The following MATR3 variants were observed in gnomAD, a reference collection of about 807,000 sequenced individuals.
The protein encoded by MATR3 is matrin-3.
MATR3 carries 4 observed loss-of-function variants against 85.5 expected under a neutral mutation model. The ratio of observed to expected loss-of-function variants is 0.05; its 90% CI spans 0.02 to 0.11. The LOEUF (loss-of-function observed/expected upper bound fraction) is 0.11. MATR3 is among the 10% of genes least tolerant of loss of function. The probability of loss-of-function intolerance (pLI) is 1.00; values close to 1 mark genes in which losing one functional copy is unlikely to be tolerated. For synonymous variants in MATR3, 336 were observed against 343.1 expected, an observed-to-expected ratio of 0.98 and a Z score of 0.23; for missense variants, 685 against 1,016.1, an observed-to-expected ratio of 0.67 and a Z score of 4.43.
chr5:139,307,170 T>G lies in MATR3; in HGVS notation c.-177-69T>G, dbSNP rs929713514. On this transcript the variant is annotated intron_variant, in intron 1 of 14. Transcript: ENST00000394805. The surrounding 1 kb of genome is among the most constrained non-coding windows in gnomAD (Gnocchi z 4.4). ...TTTTTAAATCAACATGATGCATAAG[T>G]TTTTTTTTCTTAAAAAAACGGCATC... The G allele has an allele frequency of 1.8e-5, 20 of 1,121,578 alleles. No individual in the cohort carries two copies. Among genetic ancestry groups the G allele is most frequent in the East Asian group, 4.2e-5 (1 of 23,798 alleles). The allele number at this position is 1,121,578 out of a possible 1,614,324, so 69.5% of individuals were successfully genotyped here.
At position 139,307,149 on chromosome 5, in the gene MATR3, T is replaced by A. The variant is rs1054106099; in HGVS notation, c.-177-90T>A. Reference sequence around the variant, plus strand: ...TTTGAGATCTTAAATGTTTTTTTTTTAAATCAACATGATGCATAAGTTTTT... The same window carrying A: ...TTTGAGATCTTAAATGTTTTTTTTTAAAATCAACATGATGCATAAGTTTTT... On this transcript the variant is annotated intron_variant, in intron 1 of 14. Coordinates refer to ENST00000394805, the MANE Select transcript of MATR3 (RefSeq NM_018834.6). This position sits in a 1 kb window ranked among gnomAD's most constrained non-coding sequence, Gnocchi z 4.4. 20 of 918,250 alleles carry A rather than the reference T, an allele frequency of 2.2e-5. No homozygotes were observed. The highest frequency in any genetic ancestry group is 1.0e-4 in the African/African-American group (6 of 57,288). The allele number at this position is 918,250 out of a possible 1,614,324, so 56.9% of individuals were successfully genotyped here. A position where few individuals can be genotyped will look rare whatever the true frequency, so the allele number is the denominator to read the frequency against.
Position 139,325,604 on chromosome 5 carries a change from C to T in MATR3, c.2313C>T (p.Asp771=), listed in dbSNP as rs1391353693. Residue 771 remains aspartate (D), a synonymous_variant, in exon 13 of 15, where the codon GAC becomes GAT. Transcript: ENST00000394805. ...ATGGTCAAAGTGATGAGAACAAGGA[C>T]GACTATACAATCCCAGATGAGTATA... The part of the protein sequence containing the change: ...NADGQSDENK[D]DYTIPDEYRI... 7.4e-6 allele frequency: 12 copies of T among 1,614,022 alleles called. No individual in the cohort carries two copies. Among genetic ancestry groups the T allele is most frequent in the Admixed American group, 3.3e-5 (2 of 59,986 alleles).
At chr5:139,298,312 C>A (rs1283225942) in intron 1 of MATR3, among the ~76,000 whole-genome samples, 2 of 152,178 alleles carry the variant, frequency 1.3e-5, no homozygotes, top group Admixed American at 1.3e-4. Flanking sequence ...TGATTCACAC[C>A]TGTAATCCCA....
At chr5:139,315,148 ATTTTTT>A in intron 3 of MATR3, 1 of 172,198 alleles carries the variant, frequency 5.8e-6, no homozygotes, top group Non-Finnish European at 1.2e-5. Flanking sequence ...TTGGTGATGA[ATTTTTT>A]TTTTTTTTTT....
chr5:139,303,251 G>A (rs1426530692), intron 1 of MATR3, among the ~76,000 whole-genome samples: 2 of 152,218 alleles, frequency 1.3e-5, no homozygotes, highest in East Asian at 3.9e-4. Flanking sequence ...ACAGGTGCGT[G>A]CCACCATGCC....
chr5:139,305,636 C>T (rs1754670169), intron 1 of MATR3, among the ~76,000 whole-genome samples: 1 of 152,164 alleles, frequency 6.6e-6, no homozygotes, highest in African/African-American at 2.4e-5. Flanking sequence ...AAACTTTCAT[C>T]TGAAGAAGTC....
intron 8 of MATR3, 131 bp downstream of exon 8, chr5:139,319,164 G>A: frequency 3.9e-6 from 5 of 1,269,478 alleles, no homozygotes; most frequent in East Asian, 2.5e-5. Context: ...CACCTTGGGA[G>A]GCCAAGGTCA....
intron 3 of MATR3, chr5:139,282,853 G>T (rs539298784): frequency 1.3e-5 from 2 of 152,152 alleles, no homozygotes; most frequent in African/African-American, 2.4e-5. Flanking sequence ...TTTTTGAGAC[G>T]GAGTCTCTGT....
intron 2 of MATR3, chr5:139,311,750 C>CATT (rs1754987531): frequency 1.5e-5 from 1 of 65,194 alleles, no homozygotes; most frequent in Non-Finnish European, 2.6e-5. Flanking sequence ...TTAATTAATC[C>CATT]TTTTTTTTTT....
chr5:139,299,657 TGAA>T (rs1754339059), intron 1 of MATR3, among the ~76,000 whole-genome samples: 1 of 152,146 alleles, frequency 6.6e-6, no homozygotes, highest in African/African-American at 2.4e-5. Context: ...GACCCTGTCT[TGAA>T]AAAGGAAATC....
intron 1 of MATR3, among the ~76,000 whole-genome samples, chr5:139,298,060 A>G (rs968393033): frequency 2.0e-5 from 3 of 152,194 alleles, no homozygotes; most frequent in African/African-American, 4.8e-5. Context: ...TTTAATTAAT[A>G]TTAGGGAGCA....
rs530091989 is a variant in MATR3 at position 139,321,641 on chromosome 5, G to C, written c.1603-257G>C. Among the ~76,000 whole-genome samples, 10 of 152,190 alleles carry C rather than the reference G, an allele frequency of 6.6e-5. No individual in the cohort carries two copies. The South Asian group carries it at 1.5e-3, about 22-fold the overall frequency. ...CTACAAAAAATACAAAAATTAGCCA[G>C]GCATTGGTGGTGCATGCCTGTAGAC... On this transcript the variant is annotated intron_variant, in intron 9 of 14. Transcript: ENST00000394805.
intron 9 of MATR3, among the ~76,000 whole-genome samples, chr5:139,320,527 A>T (rs959032003): frequency 2.6e-5 from 4 of 152,168 alleles, no homozygotes; most frequent in African/African-American, 9.7e-5. Flanking sequence ...CACTTAACCC[A>T]GGAGTCCAAG....
intron 12 of MATR3, 140 bp from the exon 13 acceptor site, chr5:139,325,300 G>A (rs770017267): frequency 1.9e-5 from 29 of 1,556,724 alleles, no homozygotes; most frequent in South Asian, 9.5e-5. Context: ...TAACAGCGTC[G>A]TTTTCCAGGG....
At chr5:139,300,277 A>T (rs900884662) in intron 1 of MATR3, among the ~76,000 whole-genome samples, 1 of 152,196 alleles carries the variant, frequency 6.6e-6, no homozygotes, top group Non-Finnish European at 1.5e-5. Flanking sequence ...AGGCAGGAGA[A>T]TCACGGGAAC....
intron 1 of MATR3, among the ~76,000 whole-genome samples, chr5:139,301,449 A>G (rs1385506557): frequency 5.9e-5 from 9 of 152,008 alleles, no homozygotes; most frequent in Admixed American, 4.6e-4. Context: ...CCTCCCAAGT[A>G]GCTGGGACTA....
chr5:139,306,269 C>T (rs924220099), intron 1 of MATR3, among the ~76,000 whole-genome samples: 2 of 152,098 alleles, frequency 1.3e-5, no homozygotes, highest in Non-Finnish European at 2.9e-5. Context: ...AGAAACACGT[C>T]TTGGGGGATC....
chr5:139,307,051 T>C lies in MATR3; in HGVS notation c.-177-188T>C, dbSNP rs1205308959. On this transcript the variant is annotated intron_variant, in intron 1 of 14. Coordinates refer to ENST00000394805, the MANE Select transcript of MATR3 (RefSeq NM_018834.6). This position sits in a 1 kb window ranked among gnomAD's most constrained non-coding sequence, Gnocchi z 4.4. ...GTTAAGCTTTAGCATGAAATACTAC[T>C]TTTTAAATATCTATATGCAGGCTCT... Among the ~76,000 whole-genome samples, 1 of 152,158 alleles carries C rather than the reference T, an allele frequency of 6.6e-6. No individual in the cohort carries two copies. Among genetic ancestry groups the C allele is most frequent in the African/African-American group, 2.4e-5 (1 of 41,456 alleles).
Position 139,331,418 on chromosome 5 carries a change from TG to T in MATR3, c.*2025del. The T allele has an allele frequency of 2.2e-6, 1 of 454,164 alleles. No homozygotes were observed. The highest frequency in any genetic ancestry group is 1.6e-5 in the South Asian group (1 of 64,480). The allele number at this position is 454,164 out of a possible 1,614,324, so 28.1% of individuals were successfully genotyped here. On this transcript the variant is annotated 3_prime_UTR_variant, in exon 15 of 15. Coordinates refer to ENST00000394805, the MANE Select transcript of MATR3 (RefSeq NM_018834.6). The stretch of plus-strand genomic sequence containing the variant: ...GGCTTTTTCATAGCTTCAACTTTGT[TG>T]GATTTAGCAAGTTGAAGGAAAGAAT...
Sources: allele counts gnomAD v4.1 joint callset (sites outside exome capture counted in the v4.1 genomes callset), GRCh38; gene constraint gnomAD v4.1.1; non-coding constraint Gnocchi (gnomAD v3.1); transcripts MANE v1.5; gene names NCBI Gene and HGNC (gene_info 2026-07-23, HGNC 2026-07-21).